ZFYVE16: variants seen among roughly 807,000 people sequenced by gnomAD.
ZFYVE16 encodes the protein zinc finger FYVE-type containing 16, also known as zinc finger FYVE domain-containing protein 16.
ZFYVE16 carries 89 observed loss-of-function variants against 138.1 expected under a neutral mutation model. The observed-to-expected ratio is 0.64, with a 90% CI of 0.54 to 0.77. ZFYVE16 has a LOEUF of 0.77. Among genes scored for constraint, ZFYVE16 ranks in the 30% least tolerant of loss-of-function variants. The pLI is 0.00. For synonymous variants in ZFYVE16, 596 were observed against 618.3 expected, an observed-to-expected ratio of 0.96 and a Z score of 0.53; for missense variants, 1,793 against 1,786.7, an observed-to-expected ratio of 1.00 and a Z score of -0.06.
At chr5:80,410,336 A>G (rs1745232681) in intron 1 of ZFYVE16, 1 of 152,206 alleles carries the variant, frequency 6.6e-6, no homozygotes, top group Admixed American at 6.5e-5. Flanking sequence ...CTTTAAAAAA[A>G]AAAATCACAC....
chr5:80,420,337 T>C (rs1102954), intron 1 of ZFYVE16, among the ~76,000 whole-genome samples: 120,326 of 152,012 alleles, frequency 0.79, 50,115 homozygotes, highest in East Asian at 0.92. Flanking sequence ...GGTACATGTG[T>C]ACAACGTGCA....
rs1187412933 is a variant in ZFYVE16 at position 80,465,396 on chromosome 5, C to CTTTTTTT, written c.4024+5905_4024+5906insTTTTTTT. On this transcript the variant is annotated intron_variant, in intron 15 of 18. Coordinates refer to ENST00000505560, the MANE Select transcript of ZFYVE16 (RefSeq NM_001284236.3). ...CCATGGTTTCTTTTTTTTTCCTTTT[C>CTTTTTTT]TTTGTTTTTTTTTTTTTTTTTTTTT... Among the ~76,000 whole-genome samples the CTTTTTTT allele has an allele frequency of 8.5e-3, 222 of 26,184 alleles. 2 individuals are homozygous for CTTTTTTT. Among genetic ancestry groups the CTTTTTTT allele is most frequent in the Non-Finnish European group, 0.016 (147 of 9,386 alleles). 17.2% of individuals were successfully genotyped at this position (26,184 alleles called of 152,430 possible). A position where few individuals can be genotyped will look rare whatever the true frequency, so the allele number is the denominator to read the frequency against.
chr5:80,444,535 T>C (rs1435597801), intron 6 of ZFYVE16, among the ~76,000 whole-genome samples: 7 of 151,376 alleles, frequency 4.6e-5, no homozygotes, highest in Admixed American at 4.6e-4. Context: ...AAGAGAAAAA[T>C]GTTTATGCTG....
chr5:80,479,685 A>T lies in ZFYVE16; in HGVS notation c.*2308A>T, dbSNP rs886179347. 3.9e-5 allele frequency among the ~76,000 whole-genome samples: 6 copies of T among 152,200 alleles called. No homozygotes were observed. The highest frequency in any genetic ancestry group is 1.4e-4 in the African/African-American group (6 of 41,450). ...AGAATAATCTTAAAACATCAAAGAG[A>T]TTTTCCAGACAATAAGGAATGCCAA... On this transcript the variant is annotated 3_prime_UTR_variant, in exon 19 of 19. Coordinates refer to ENST00000505560, the MANE Select transcript of ZFYVE16 (RefSeq NM_001284236.3).
At chr5:80,434,064 T>A in intron 2 of ZFYVE16, 45 bp from the exon 3 acceptor site, 1 of 1,299,870 alleles carries the variant, frequency 7.7e-7, no homozygotes, top group Admixed American at 1.9e-5. Context: ...GCATAAAATT[T>A]GTTATGTAAT....
intron 2 of ZFYVE16, among the ~76,000 whole-genome samples, chr5:80,430,101 T>C (rs1395456866): frequency 1.3e-5 from 2 of 152,336 alleles, no homozygotes; most frequent in African/African-American, 2.4e-5. Context: ...AATAGACATC[T>C]ACCGAACTCT....
intron 2 of ZFYVE16, among the ~76,000 whole-genome samples, chr5:80,429,121 C>T (rs931742565): frequency 2.6e-5 from 4 of 152,074 alleles, no homozygotes; most frequent in Admixed American, 6.6e-5. Context: ...AAAGATACTC[C>T]TCGAGAAGAG....
intron 1 of ZFYVE16, among the ~76,000 whole-genome samples, chr5:80,408,384 C>G (rs1241056459): frequency 6.6e-6 from 1 of 152,260 alleles, no homozygotes; most frequent in African/African-American, 2.4e-5. Flanking sequence ...CCAGACCGGA[C>G]TGGACCGGGA....
At chr5:80,418,707 A>G (rs544226362) in intron 1 of ZFYVE16, among the ~76,000 whole-genome samples, 1 of 152,148 alleles carries the variant, frequency 6.6e-6, no homozygotes, top group Non-Finnish European at 1.5e-5. Context: ...ATTCCAGTCT[A>G]TGGCTTGTCT....
chr5:80,465,532 A>C (rs1753657564), intron 15 of ZFYVE16, among the ~76,000 whole-genome samples: 1 of 147,412 alleles, frequency 6.8e-6, no homozygotes, highest in South Asian at 2.2e-4. Context: ...CAGCCTCCTG[A>C]GTAGCTGGAA....
chr5:80,440,098 A>G, intron 5 of ZFYVE16, 66 bp downstream of exon 5: 1 of 1,508,854 alleles, frequency 6.6e-7, no homozygotes, highest in Non-Finnish European at 8.9e-7. Flanking sequence ...TTGGATTGTG[A>G]CAAAGATAAA....
At chr5:80,413,403 G>A (rs1419126937) in intron 1 of ZFYVE16, among the ~76,000 whole-genome samples, 11 of 151,150 alleles carry the variant, frequency 7.3e-5, no homozygotes, top group Admixed American at 2.0e-4. Context: ...CCTGGGAGGC[G>A]GAGGTTGCAG....
At chr5:80,459,604 C>A in intron 15 of ZFYVE16, 110 bp downstream of exon 15, 1 of 857,384 alleles carries the variant, frequency 1.2e-6, no homozygotes, top group Non-Finnish European at 1.7e-6. Context: ...AAGCACAGTA[C>A]CACAAACTTA....
intron 1 of ZFYVE16, among the ~76,000 whole-genome samples, chr5:80,418,112 T>C (rs966094302): frequency 6.6e-6 from 1 of 152,204 alleles, no homozygotes; most frequent in Non-Finnish European, 1.5e-5. Context: ...TTCAGTACTT[T>C]TGCCAATTTT....
At chr5:80,441,829 G>A in intron 5 of ZFYVE16, 1 of 985,366 alleles carries the variant, frequency 1.0e-6, no homozygotes, top group Non-Finnish European at 1.2e-6. Flanking sequence ...TTTTAGCAGT[G>A]GCAGCATTGA....
rs1755048701 is a variant in ZFYVE16, at chr5:80,477,717, A to G, written c.*340A>G. On this transcript the variant is annotated 3_prime_UTR_variant, in exon 19 of 19. Transcript: ENST00000505560. The stretch of plus-strand genomic sequence containing the variant: ...CCTCTTTATGCCAATAATGATTTTA[A>G]TGAAGGCTCTTTTCAGATGTAACCT... 1 of 164,854 alleles carries G rather than the reference A, an allele frequency of 6.1e-6. No homozygotes were observed. Among genetic ancestry groups the G allele is most frequent in the Non-Finnish European group, 1.3e-5 (1 of 76,854 alleles). 10.2% of individuals were successfully genotyped at this position (164,854 alleles called of 1,614,324 possible). A position where few individuals can be genotyped will look rare whatever the true frequency, so the allele number is the denominator to read the frequency against.
rs968566853 is a variant in ZFYVE16 at position 80,450,561 on chromosome 5, C to T, written c.3357C>T (p.Ile1119=). ...TIPKDIFRLF[I]TIYKDALKGK... ...CTAAGGACATCTTCAGACTATTTAT[C>T]ACCATATATAAGGATGCTCTAAAAG... The change falls in exon 10 of 19, where the codon ATC becomes ATT. Residue 1119 remains isoleucine (I), a synonymous_variant. Coordinates refer to ENST00000505560, the MANE Select transcript of ZFYVE16 (RefSeq NM_001284236.3). The T allele has an allele frequency of 2.4e-5, 38 of 1,613,328 alleles. No homozygotes were observed. The East Asian group carries it at 8.3e-4, about 35-fold the overall frequency.
At position 80,438,649 on chromosome 5, in the gene ZFYVE16, T is replaced by C; in HGVS notation, c.1964T>C (p.Leu655Pro). ...GCCAGACCTAAGCAATTGTTTAGCC[T>C]TCCATCAAGAACAAGGAGTTCAAAG... ...GGARPKQLFS[L>P]PSRTRSSKDL... is the part of the protein sequence containing the mutation. Residue 655 changes from leucine (L) to proline (P), a missense_variant, in exon 4 of 19, where the codon CTT (leucine) becomes CCT (proline). Coordinates refer to ENST00000505560, the MANE Select transcript of ZFYVE16 (RefSeq NM_001284236.3). 6.2e-7 allele frequency: 1 copy of C among 1,614,100 alleles called. No homozygotes were observed. The highest frequency in any genetic ancestry group is 1.1e-5 in the South Asian group (1 of 91,080).
chr5:80,430,616 C>CA (rs1175280922), intron 2 of ZFYVE16, among the ~76,000 whole-genome samples: 1 of 151,854 alleles, frequency 6.6e-6, no homozygotes, highest in African/African-American at 2.4e-5. Context: ...GATAGAGACA[C>CA]AAAAAACCCT....
Sources: gnomAD v4.1 joint callset for allele counts (sites outside exome capture counted in the v4.1 genomes callset) on GRCh38, gnomAD v4.1.1 for gene constraint, MANE v1.5 for transcripts, NCBI Gene and HGNC (gene_info 2026-07-23, HGNC 2026-07-21) for gene names.